Variants in AFAP1 observed in about 807,000 individuals in gnomAD.
AFAP1 encodes actin filament-associated protein 1.
A neutral mutation model predicts 93.9 loss-of-function variants in AFAP1; 75 were observed. The ratio of observed to expected loss-of-function variants is 0.80; its 90% confidence interval spans 0.66 to 0.97. AFAP1 has a LOEUF of 0.97. AFAP1 is among the 50% of genes least tolerant of loss of function. The pLI, the probability that AFAP1 is intolerant of heterozygous loss-of-function variation, is 0.00. For missense variants in AFAP1, 1,201 were observed against 1,050.8 expected, an observed-to-expected ratio of 1.14 and a Z score of -1.98; for synonymous variants, 517 against 430.7, an observed-to-expected ratio of 1.20 and a Z score of -2.48.
rs537520216 is a variant in AFAP1, at chr4:7,793,235, A to G, written c.1412+446T>C. ...GGATAGCTTTGAAAACTCAGTCCTC[A>G]TTACAGCAATATGTAGAATCATTTC... is the stretch of plus-strand genomic sequence containing the variant. On this transcript the variant is annotated intron_variant, in intron 11 of 17. Coordinates refer to ENST00000420658, the MANE Select transcript of AFAP1 (RefSeq NM_001134647.2). Among the ~76,000 whole-genome samples the G allele has an allele frequency of 2.6e-4, 40 of 152,294 alleles. 1 individual carries two copies. Among genetic ancestry groups the G allele is most frequent in the African/African-American group, 9.6e-4 (40 of 41,570 alleles).
chr4:7,888,646 A>G (rs1439436473), intron 1 of AFAP1, among the ~76,000 whole-genome samples: 2 of 152,186 alleles, frequency 1.3e-5, no homozygotes, highest in Non-Finnish European at 2.9e-5. Context: ...ATATTTCAGG[A>G]GAGGTAATAC....
At chr4:7,897,672 C>T (rs1228951545) in intron 1 of AFAP1, among the ~76,000 whole-genome samples, 1 of 152,044 alleles carries the variant, frequency 6.6e-6, no homozygotes, top group African/African-American at 2.4e-5. Flanking sequence ...CACCAGCGTG[C>T]ACTGCCACAT....
intron 5 of AFAP1, among the ~76,000 whole-genome samples, chr4:7,840,774 T>TATA (rs1560192005): frequency 6.6e-6 from 1 of 152,216 alleles, no homozygotes; most frequent in Non-Finnish European, 1.5e-5. Flanking sequence ...ATTTTGAGTA[T>TATA]GTATAAAAAG....
chr4:7,798,388 C>T (rs1294044457), intron 10 of AFAP1, among the ~76,000 whole-genome samples: 314 of 74,236 alleles, frequency 4.2e-3, no homozygotes, highest in Middle Eastern at 0.011. Context: ...GCACTGCAAC[C>T]CTATTGGCTG....
chr4:7,868,674 C>T lies in AFAP1; in HGVS notation c.173G>A (p.Ser58Asn). ...GGGCATCTGAGGAGGGGCTGGCAGG[C>T]TGTTAGCGGTCTCCTGCTTCTGAGC... The part of the protein sequence containing the change: ...DHAQKQETAN[S>N]LPAPPQMPLP... The change falls in exon 3 of 18, where the codon AGC (serine) becomes AAC (asparagine). Residue 58 changes from serine (S) to asparagine (N), a missense_variant. Coordinates refer to ENST00000420658, the MANE Select transcript of AFAP1 (RefSeq NM_001134647.2). 6.2e-7 allele frequency: 1 copy of T among 1,613,498 alleles called. No homozygotes were observed. Among genetic ancestry groups the T allele is most frequent in the South Asian group, 1.1e-5 (1 of 91,050 alleles).
At position 7,761,151 on chromosome 4, in the gene AFAP1, A is replaced by G. The variant is rs1010171804; in HGVS notation, c.*2614T>C. The G allele has an allele frequency of 6.6e-6, 1 of 152,170 alleles. No individual in the cohort carries two copies. Among genetic ancestry groups the G allele is most frequent in the African/African-American group, 2.4e-5 (1 of 41,466 alleles). 9.4% of individuals were successfully genotyped at this position (152,170 alleles called of 1,614,324 possible). A position where few individuals can be genotyped will look rare whatever the true frequency, so the allele number is the denominator to read the frequency against. ...TGTCTAATATGTACAGATATAAATT[A>G]AAAACTATATTTATTGAACATATAC... On this transcript the variant is annotated 3_prime_UTR_variant, in exon 18 of 18. Coordinates refer to ENST00000420658, the MANE Select transcript of AFAP1 (RefSeq NM_001134647.2).
At chr4:7,799,022 T>C (rs1718766058) in intron 10 of AFAP1, 1 of 986,160 alleles carries the variant, frequency 1.0e-6, no homozygotes, top group South Asian at 4.7e-5. Flanking sequence ...TCAGCTTTTT[T>C]CCACCGCCAT....
intron 15 of AFAP1, chr4:7,773,491 G>C (rs549353368): frequency 1.3e-5 from 2 of 158,896 alleles, no homozygotes; most frequent in East Asian, 3.8e-4. Context: ...TTTTATTTGA[G>C]GTTTGCTGCA....
chr4:7,763,052 A>G lies in AFAP1; in HGVS notation c.*713T>C, dbSNP rs778327684. 6.6e-6 allele frequency: 1 copy of G among 152,468 alleles called. No homozygotes were observed. Among genetic ancestry groups the G allele is most frequent in the Non-Finnish European group, 1.5e-5 (1 of 68,048 alleles). 9.4% of individuals were successfully genotyped at this position (152,468 alleles called of 1,614,324 possible). A position where few individuals can be genotyped will look rare whatever the true frequency, so the allele number is the denominator to read the frequency against. ...AATTAATAAAATAAGGAACCTCTGA[A>G]AACTCCTTGATCTAAGTGTGACACA... is the stretch of plus-strand genomic sequence containing the variant. On this transcript the variant is annotated 3_prime_UTR_variant, in exon 18 of 18. Coordinates refer to ENST00000420658, the MANE Select transcript of AFAP1 (RefSeq NM_001134647.2).
rs1346891641 is a variant in AFAP1, at chr4:7,842,303, A to C, written c.546+836T>G. Among the ~76,000 whole-genome samples, 27 of 10,076 alleles carry C rather than the reference A, an allele frequency of 2.7e-3. No homozygotes were observed. In the East Asian group the frequency reaches 0.067, roughly 25 times the overall value. The allele number at this position is 10,076 out of a possible 152,430, so 6.6% of individuals were successfully genotyped here. ...TTCAAAGATGAAACCTGGATTTACA[A>C]AAAAAAAAAAAAAAAAAAAGATAAA... On this transcript the variant is annotated intron_variant, in intron 5 of 17. Coordinates refer to ENST00000420658, the MANE Select transcript of AFAP1 (RefSeq NM_001134647.2).
At chr4:7,865,307 T>C (rs144879102) in intron 3 of AFAP1, among the ~76,000 whole-genome samples, 188 of 152,316 alleles carry the variant, frequency 1.2e-3, no homozygotes, top group Non-Finnish European at 2.2e-3. Flanking sequence ...AATTACCCAC[T>C]GGCAAACTGT....
At chr4:7,920,847 A>T (rs1037251869) in intron 1 of AFAP1, among the ~76,000 whole-genome samples, 1 of 152,168 alleles carries the variant, frequency 6.6e-6, no homozygotes, top group Non-Finnish European at 1.5e-5. Context: ...GACTCTCAAG[A>T]AAAAAATTCC....
chr4:7,887,702 T>G (rs538210297), intron 1 of AFAP1, among the ~76,000 whole-genome samples: 1 of 151,982 alleles, frequency 6.6e-6, no homozygotes, highest in South Asian at 2.1e-4. Flanking sequence ...ATACTCTTAC[T>G]GGGCAACACA....
chr4:7,829,186 A>C (rs1721683221), intron 6 of AFAP1, among the ~76,000 whole-genome samples: 1 of 152,204 alleles, frequency 6.6e-6, no homozygotes, highest in Non-Finnish European at 1.5e-5. Flanking sequence ...TTTCCTTTAT[A>C]AATTACCCAG....
intron 10 of AFAP1, chr4:7,798,853 T>C (rs570611740): frequency 2.1e-6 from 2 of 960,446 alleles, no homozygotes; most frequent in East Asian, 2.3e-4. Context: ...CGAGCTTCTC[T>C]GTCTGGGCAC....
chr4:7,899,126 A>G (rs114719306), intron 1 of AFAP1, among the ~76,000 whole-genome samples: 58 of 152,172 alleles, frequency 3.8e-4, no homozygotes, highest in African/African-American at 1.3e-3. Flanking sequence ...TCAAAATAAT[A>G]TGATGAATAT....
intron 1 of AFAP1, among the ~76,000 whole-genome samples, chr4:7,919,891 T>G (rs1242866978): frequency 6.6e-6 from 1 of 150,670 alleles, no homozygotes; most frequent in African/African-American, 2.4e-5. Flanking sequence ...TAAGAACACA[T>G]GGTGTTTGGT....
At chr4:7,803,794 T>C (rs1177659936) in intron 9 of AFAP1, among the ~76,000 whole-genome samples, 1 of 152,272 alleles carries the variant, frequency 6.6e-6, no homozygotes, top group African/African-American at 2.4e-5. Flanking sequence ...GATGATTATA[T>C]TGGACAGATC....
At chr4:7,847,714 T>A (rs1172197017) in intron 4 of AFAP1, among the ~76,000 whole-genome samples, 1 of 151,216 alleles carries the variant, frequency 6.6e-6, no homozygotes, top group East Asian at 2.0e-4. Context: ...AAAGAATTCC[T>A]GATTGCCTTC....
Sources: gnomAD v4.1 joint callset for allele counts (sites outside exome capture counted in the v4.1 genomes callset) on GRCh38, gnomAD v4.1.1 for gene constraint, MANE v1.5 for transcripts, NCBI Gene and HGNC (gene_info 2026-07-23, HGNC 2026-07-21) for gene names.